TPCN1: variants seen among roughly 807,000 people sequenced by gnomAD.
TPCN1 encodes the protein two pore channel protein 1.
A neutral mutation model predicts 108.8 loss-of-function variants in TPCN1; 52 were observed. That is an observed-to-expected ratio of 0.48 (90% CI 0.38 to 0.60). TPCN1 has a LOEUF of 0.60. Among genes scored for constraint, TPCN1 ranks in the 20% least tolerant of loss-of-function variants. The pLI is 0.00. For synonymous variants in TPCN1, 446 were observed against 433.7 expected (o/e 1.03, Z -0.35); for missense variants, 806 against 1,072.8 (o/e 0.75, Z 3.47).
intron 15 of TPCN1, among the ~76,000 whole-genome samples, chr12:113,281,407 AATATCCAGGT>A (rs906626484): frequency 6.6e-6 from 1 of 152,176 alleles, no homozygotes; most frequent in African/African-American, 2.4e-5. Context: ...AAAAAAAATA[AATATCCAGGT>A]TCCCAACTAC....
chr12:113,290,567 C>A (rs1288280149), intron 22 of TPCN1, among the ~76,000 whole-genome samples: 1 of 152,254 alleles, frequency 6.6e-6, no homozygotes, highest in South Asian at 2.1e-4. Context: ...ACTGCTGCTG[C>A]AGCTGCACTG....
Position 113,266,993 on chromosome 12 carries a change from G to A in TPCN1, c.414+637G>A, listed in dbSNP as rs1955287875. Among the ~76,000 whole-genome samples the A allele has an allele frequency of 6.6e-6, 1 of 152,178 alleles. No homozygotes were observed. The highest frequency in any genetic ancestry group is 2.1e-4 in the South Asian group (1 of 4,836). On this transcript the variant is annotated intron_variant, in intron 4 of 27. Transcript: ENST00000335509. This position sits in a 1 kb window ranked among gnomAD's most constrained non-coding sequence, Gnocchi z 4.2. The stretch of plus-strand genomic sequence containing the variant: ...GAACTCACAGCTCCAGCCAGTCTGT[G>A]TTTCTTTCTGTGCACACCTCCCCCA...
At position 113,278,840 on chromosome 12, in the gene TPCN1, G is replaced by C. The variant is rs1272631415; in HGVS notation, c.1297+5G>C. ...CGGCGCTCCTCATCTTCAAAGGTAAGTGGGCTTGAGTATGGCAGGTGTTGG... is the reference window on the plus strand; with the variant it reads ...CGGCGCTCCTCATCTTCAAAGGTAACTGGGCTTGAGTATGGCAGGTGTTGG... On this transcript the variant is annotated splice_donor_5th_base_variant and intron_variant, in intron 14 of 27. Coordinates refer to ENST00000335509, the MANE Select transcript of TPCN1 (RefSeq NM_017901.6). 2.5e-6 allele frequency: 4 copies of C among 1,613,706 alleles called. No homozygotes were observed. The highest frequency in any genetic ancestry group is 3.4e-6 in the Non-Finnish European group (4 of 1,179,788).
rs1249630298 is a variant in TPCN1, at chr12:113,290,132, A to G, written c.1801A>G (p.Ser601Gly). 6.3e-7 allele frequency: 1 copy of G among 1,590,158 alleles called. No homozygotes were observed. Among genetic ancestry groups the G allele is most frequent in the Non-Finnish European group, 8.6e-7 (1 of 1,166,976 alleles). Residue 601 changes from serine (S) to glycine (G), a missense_variant, in exon 22 of 28, where the codon AGT becomes GGT. Coordinates refer to ENST00000335509, the MANE Select transcript of TPCN1 (RefSeq NM_017901.6). ...TCTCCCTTGTGCTCCGGCCAGCACG[A>G]GTACAGTGGCAGATGCCTACCGCTG... is the stretch of plus-strand genomic sequence containing the variant. Reference protein sequence around the residue: ...GIVFPNCCNTSTVADAYRWRN... With the variant: ...GIVFPNCCNTGTVADAYRWRN...
intron 2 of TPCN1, among the ~76,000 whole-genome samples, chr12:113,236,978 G>T (rs147210306): frequency 6.6e-6 from 1 of 152,340 alleles, no homozygotes; most frequent in East Asian, 1.9e-4. Flanking sequence ...GTCAGAGCAG[G>T]CATATCTGTT....
At chr12:113,249,483 A>G (rs1264581947) in intron 2 of TPCN1, 2 of 152,218 alleles carry the variant, frequency 1.3e-5, no homozygotes, top group African/African-American at 2.4e-5. Context: ...TGGGGACATC[A>G]CGTTCCCTGC....
At chr12:113,267,981 T>C in intron 5 of TPCN1, 25 bp downstream of exon 5, 1 of 1,497,894 alleles carries the variant, frequency 6.7e-7, no homozygotes, top group Non-Finnish European at 9.2e-7. Flanking sequence ...CATCTGTCCC[T>C]CCCCTCACAG....
intron 2 of TPCN1, among the ~76,000 whole-genome samples, chr12:113,234,005 T>C (rs1415800246): frequency 1.3e-5 from 2 of 152,220 alleles, no homozygotes; most frequent in Admixed American, 6.5e-5. Context: ...TTGGTTTCTA[T>C]CTTTATCCTT....
In TPCN1 at chr12:113,266,917, A is replaced by G. The variant is rs769825086; in HGVS notation, c.414+561A>G. ...GAAGCGCTCATCCAGCCTGGCCTCCAAGGCCCTCCATGACTCAGTTTCCCT... is the reference window on the plus strand; with the variant it reads ...GAAGCGCTCATCCAGCCTGGCCTCCGAGGCCCTCCATGACTCAGTTTCCCT... On this transcript the variant is annotated intron_variant, in intron 4 of 27. Transcript: ENST00000335509. The surrounding 1 kb of genome is among the most constrained non-coding windows in gnomAD (Gnocchi z 4.2). 3.9e-5 allele frequency among the ~76,000 whole-genome samples: 6 copies of G among 152,180 alleles called. No individual in the cohort carries two copies. The highest frequency in any genetic ancestry group is 8.8e-5 in the Non-Finnish European group (6 of 68,024).
intron 2 of TPCN1, among the ~76,000 whole-genome samples, chr12:113,250,963 CA>C (rs112213688): frequency 0.11 from 13,677 of 128,682 alleles, 699 homozygotes; most frequent in East Asian, 0.22. Flanking sequence ...AACTCTGTCT[CA>C]AAAAAAAAAG....
chr12:113,291,983 G>A, intron 25 of TPCN1, 25 bp downstream of exon 25: 1 of 1,603,278 alleles, frequency 6.2e-7, no homozygotes, highest in Non-Finnish European at 8.5e-7. Flanking sequence ...GATGCCTTGG[G>A]CATTTGATAT....
chr12:113,222,682 T>TA (rs1953293382), intron 1 of TPCN1, among the ~76,000 whole-genome samples: 1 of 152,226 alleles, frequency 6.6e-6, no homozygotes, highest in African/African-American at 2.4e-5. Flanking sequence ...TGGTGGCAGA[T>TA]ATCATGAAAA....
At chr12:113,294,747 C>T (rs373147482) in intron 27 of TPCN1, among the ~76,000 whole-genome samples, 6 of 152,258 alleles carry the variant, frequency 3.9e-5, no homozygotes, top group Admixed American at 6.5e-5. Context: ...GCATTTGGCA[C>T]GGTGCCTTCC....
At position 113,260,417 on chromosome 12, in the gene TPCN1, T is replaced by G; in HGVS notation, c.162T>G (p.Ser54=). Residue 54 remains serine (S), a synonymous_variant, in exon 3 of 28, where the codon TCT becomes TCG. Coordinates refer to ENST00000335509, the MANE Select transcript of TPCN1 (RefSeq NM_017901.6). The part of the protein sequence containing the change: ...IHDSQAPSLS[S]GGESSPSSPA... ...ACTCCCAGGCCCCCAGTCTCAGCTCTGGGGGTGAGAGTTCCCCCTCCAGCC... is the reference window on the plus strand; with the variant it reads ...ACTCCCAGGCCCCCAGTCTCAGCTCGGGGGGTGAGAGTTCCCCCTCCAGCC... The G allele has an allele frequency of 1.9e-6, 3 of 1,547,670 alleles. No individual in the cohort carries two copies. Among genetic ancestry groups the G allele is most frequent in the Non-Finnish European group, 2.6e-6 (3 of 1,152,652 alleles).
Position 113,269,477 on chromosome 12 carries a change from G to A in TPCN1, c.660-280G>A, listed in dbSNP as rs138345483. Reference sequence around the variant, plus strand: ...CTTTGCACCCAAGGTCATGCCCTTGGCCTTCTGCTGCTCTGTTCCCTGCTT... The same window carrying A: ...CTTTGCACCCAAGGTCATGCCCTTGACCTTCTGCTGCTCTGTTCCCTGCTT... On this transcript the variant is annotated intron_variant, in intron 6 of 27. Transcript: ENST00000335509. The surrounding 1 kb of genome is among the most constrained non-coding windows in gnomAD (Gnocchi z 5.0). Among the ~76,000 whole-genome samples the A allele has an allele frequency of 1.9e-4, 29 of 152,260 alleles. No homozygotes were observed. Among genetic ancestry groups the A allele is most frequent in the East Asian group, 7.7e-4 (4 of 5,188 alleles).
rs142437997 is a variant in TPCN1, at chr12:113,253,716, C to T, written c.113-6652C>T. On this transcript the variant is annotated intron_variant, in intron 2 of 27. Coordinates refer to ENST00000335509, the MANE Select transcript of TPCN1 (RefSeq NM_017901.6). The stretch of plus-strand genomic sequence containing the variant: ...ATAACCTCAGAAGTCATGAGGTTCC[C>T]TGTTCTCTGTTAGTCACAGCAGTCA... Among the ~76,000 whole-genome samples the T allele has an allele frequency of 3.2e-3, 490 of 152,266 alleles. 1 individual carries two copies. The highest frequency in any genetic ancestry group is 5.2e-3 in the Non-Finnish European group (351 of 68,024).
rs115204856 is a variant in TPCN1, at chr12:113,288,338, G to A, written c.1706+104G>A. On this transcript the variant is annotated intron_variant, in intron 20 of 27. Transcript: ENST00000335509. The surrounding 1 kb of genome is among the most constrained non-coding windows in gnomAD (Gnocchi z 4.8). ...GTCGGGGGAAAGGAGTTCCACAAAG[G>A]ACTGCAATCGAGGGCCTGACGGGGC... 6.4e-7 allele frequency: 1 copy of A among 1,557,250 alleles called. No homozygotes were observed. The highest frequency in any genetic ancestry group is 1.4e-5 in the African/African-American group (1 of 73,552).
chr12:113,275,716 G>C (rs185661050), intron 10 of TPCN1, among the ~76,000 whole-genome samples: 4,917 of 151,890 alleles, frequency 0.032, 223 homozygotes, highest in East Asian at 0.15. Flanking sequence ...GGGACTACAG[G>C]CACCCGCCAC....
intron 1 of TPCN1, among the ~76,000 whole-genome samples, chr12:113,222,682 T>C (rs1468921232): frequency 6.6e-6 from 1 of 152,226 alleles, no homozygotes; most frequent in African/African-American, 2.4e-5. Flanking sequence ...TGGTGGCAGA[T>C]ATCATGAAAA....
Sources: allele counts gnomAD v4.1 joint callset (sites outside exome capture counted in the v4.1 genomes callset), GRCh38; gene constraint gnomAD v4.1.1; non-coding constraint Gnocchi (gnomAD v3.1); transcripts MANE v1.5; gene names NCBI Gene and HGNC (gene_info 2026-07-23, HGNC 2026-07-21).